The following TMEM121B variants were observed in gnomAD, a reference collection of about 807,000 sequenced individuals.
TMEM121B encodes transmembrane protein 121B, also known as cat eye syndrome chromosome region, candidate 6.
Under a neutral mutation model 25.1 loss-of-function variants are expected in TMEM121B, and 14 were observed. The ratio of observed to expected loss-of-function variants is 0.56; its 90% CI spans 0.37 to 0.87. TMEM121B has a LOEUF of 0.87. Ranked by LOEUF, TMEM121B falls within the 40% of genes least tolerant of loss-of-function variation. TMEM121B has a pLI of 0.00. For missense variants in TMEM121B, 850 were observed against 854.6 expected, an observed-to-expected ratio of 0.99 and a Z score of 0.07; for synonymous variants, 458 against 420.9, an observed-to-expected ratio of 1.09 and a Z score of -1.08.
Position 17,120,564 on chromosome 22 carries a change from G to A in TMEM121B, c.564C>T (p.Arg188=), listed in dbSNP as rs1323392417. ...PDRPGRRGRR[R]GCAPSPRCRW... Reference sequence around the variant, plus strand: ...GGCACCTGGGACTGGGGGCGCAGCCGCGGCGCCGACCTCTGCGGCCGGGGC... The same window carrying A: ...GGCACCTGGGACTGGGGGCGCAGCCACGGCGCCGACCTCTGCGGCCGGGGC... The change falls in exon 1 of 1, where the codon CGC becomes CGT. Residue 188 remains arginine (R), a synonymous_variant. Transcript: ENST00000331437. The A allele has an allele frequency of 2.7e-6, 4 of 1,494,992 alleles. No individual in the cohort carries two copies. Among genetic ancestry groups the A allele is most frequent in the Admixed American group, 4.3e-5 (2 of 46,808 alleles). The allele number at this position is 1,494,992 out of a possible 1,614,324, so 92.6% of individuals were successfully genotyped here. A position where few individuals can be genotyped will look rare whatever the true frequency, so the allele number is the denominator to read the frequency against.
Sources: gnomAD v4.1 joint callset for allele counts on GRCh38, gnomAD v4.1.1 for gene constraint, MANE v1.5 for transcripts, NCBI Gene and HGNC (gene_info 2026-07-23, HGNC 2026-07-21) for gene names.